The following RFWD3 variants were observed in gnomAD, a reference collection of about 807,000 sequenced individuals.
RFWD3 encodes E3 ubiquitin-protein ligase RFWD3.
A neutral mutation model predicts 87.7 loss-of-function variants in RFWD3; 65 were observed. The observed-to-expected ratio is 0.74, with a 90% confidence interval of 0.61 to 0.91. The LOEUF (loss-of-function observed/expected upper bound fraction) is 0.91, where lower values mean the gene tolerates loss of function less well. Ranked by LOEUF, RFWD3 falls within the 40% of genes least tolerant of loss-of-function variation. The pLI, the probability that RFWD3 is intolerant of heterozygous loss-of-function variation, is 0.00. For missense variants in RFWD3, 1,078 were observed against 938.5 expected (o/e 1.15, Z -1.94); for synonymous variants, 433 against 352.8 (o/e 1.23, Z -2.55).
intron 12 of RFWD3, among the ~76,000 whole-genome samples, chr16:74,624,692 T>C (rs147046806): frequency 0.018 from 2,682 of 152,312 alleles, 27 homozygotes; most frequent in Middle Eastern, 0.065. Context: ...CCACCGCGTC[T>C]GGCCTCTAAA....
chr16:74,637,933 C>T lies in RFWD3; in HGVS notation c.1117G>A (p.Glu373Lys), dbSNP rs141439715. Residue 373 changes from glutamate (E) to lysine (K), a missense_variant, in exon 7 of 13, where the codon GAG becomes AAG. Glu to Lys is a moderately conservative substitution (Grantham distance 56). Transcript: ENST00000361070. ...AGTCGGCACTGTGCTGATTCTAACT[C>T]GGCCTGTTTCCTTAGCATCTGTTCC... ...LKEQMLRKQA[E>K]LESAQCRLQL... The T allele has an allele frequency of 4.3e-6, 7 of 1,612,066 alleles. No individual in the cohort carries two copies. The highest frequency in any genetic ancestry group is 2.2e-5 in the East Asian group (1 of 44,868).
rs1311435736 is a variant in RFWD3 at position 74,623,091 on chromosome 16, G to C, written c.*837C>G. On this transcript the variant is annotated 3_prime_UTR_variant, in exon 13 of 13. Coordinates refer to ENST00000361070, the MANE Select transcript of RFWD3 (RefSeq NM_018124.4). Reference sequence around the variant, plus strand: ...TATCACTCATCTTTTCCTGGCAAGAGATAGTGTTCTTCAAAGCACTAGCTT... The same window carrying C: ...TATCACTCATCTTTTCCTGGCAAGACATAGTGTTCTTCAAAGCACTAGCTT... 1.3e-5 allele frequency: 2 copies of C among 152,244 alleles called. No homozygotes were observed. The highest frequency in any genetic ancestry group is 3.8e-4 in the East Asian group (2 of 5,206). 9.4% of individuals were successfully genotyped at this position (152,244 alleles called of 1,614,324 possible). A position where few individuals can be genotyped will look rare whatever the true frequency, so the allele number is the denominator to read the frequency against.
chr16:74,647,941 A>C (rs1960283432), intron 4 of RFWD3, among the ~76,000 whole-genome samples: 1 of 151,276 alleles, frequency 6.6e-6, no homozygotes, highest in Non-Finnish European at 1.5e-5. Context: ...ATTCTGCCTG[A>C]TTTTTTTTTA....
intron 1 of RFWD3, chr16:74,664,454 A>G (rs1193035211): frequency 1.3e-5 from 2 of 152,216 alleles, no homozygotes; most frequent in African/African-American, 2.4e-5. Flanking sequence ...TTTAAATTAA[A>G]TAAAAATCAA....
intron 6 of RFWD3, 130 bp from the exon 7 acceptor site, chr16:74,638,100 A>G (rs1364089081): frequency 2.8e-5 from 16 of 565,460 alleles, no homozygotes; most frequent in Non-Finnish European, 4.8e-5. Flanking sequence ...AGTGAATAAA[A>G]TATAAAAAGA....
chr16:74,656,139 AC>A (rs1409106161), intron 2 of RFWD3, among the ~76,000 whole-genome samples: 1 of 152,012 alleles, frequency 6.6e-6, no homozygotes, highest in Non-Finnish European at 1.5e-5. Flanking sequence ...TCTACAAAAA[AC>A]AGAAAAAATT....
rs1597402488 is a variant in RFWD3, at chr16:74,623,845, A to C, written c.*83T>G. 4.8e-6 allele frequency: 7 copies of C among 1,448,594 alleles called. No individual in the cohort carries two copies. The highest frequency in any genetic ancestry group is 2.8e-5 in the African/African-American group (2 of 71,730). The allele number at this position is 1,448,594 out of a possible 1,614,324, so 89.7% of individuals were successfully genotyped here. On this transcript the variant is annotated 3_prime_UTR_variant, in exon 13 of 13. Coordinates refer to ENST00000361070, the MANE Select transcript of RFWD3 (RefSeq NM_018124.4). ...CCCAATGTTCTAGACTGCAGACAAT[A>C]AACAGGGATCTTGCTTGGGGCTGCT...
At chr16:74,634,715 A>G (rs1334361058) in intron 8 of RFWD3, among the ~76,000 whole-genome samples, 3 of 152,000 alleles carry the variant, frequency 2.0e-5, no homozygotes, top group African/African-American at 7.3e-5. Context: ...AAATACGTCA[A>G]ATCCTAGATT....
intron 6 of RFWD3, 24 bp downstream of exon 6, chr16:74,644,338 G>A (rs1959928211): frequency 1.2e-6 from 2 of 1,609,016 alleles, no homozygotes; most frequent in South Asian, 2.2e-5. Flanking sequence ...GAACATTCCA[G>A]CCAGGCATAC....
rs759327850 is a variant in RFWD3, at chr16:74,628,674, G to T, written c.1755-8C>A. The T allele has an allele frequency of 2.5e-6, 4 of 1,613,524 alleles. No homozygotes were observed. In the African/African-American group the frequency reaches 4.0e-5, roughly 16 times the overall value. On this transcript the variant is annotated splice_region_variant and splice_polypyrimidine_tract_variant and intron_variant, in intron 10 of 12. Transcript: ENST00000361070. Reference sequence around the variant, plus strand: ...AGGGAGACCAGTGGGCATCTGAAAGGAAAGTAAGGAAACTGTATCTCACAC... The same window carrying T: ...AGGGAGACCAGTGGGCATCTGAAAGTAAAGTAAGGAAACTGTATCTCACAC...
In RFWD3 at chr16:74,658,834, C is replaced by A. The variant is rs369912157; in HGVS notation, c.518+2098G>T. 4.0e-5 allele frequency among the ~76,000 whole-genome samples: 6 copies of A among 149,646 alleles called. 1 individual carries two copies. In the East Asian group the frequency reaches 7.9e-4, roughly 20 times the overall value. On this transcript the variant is annotated intron_variant, in intron 2 of 12. Transcript: ENST00000361070. Reference sequence around the variant, plus strand: ...CCAGGCTGGATTACAGTGACAAGATCTTGGCTCACTGCAAGCTCCGCCTCC... The same window carrying A: ...CCAGGCTGGATTACAGTGACAAGATATTGGCTCACTGCAAGCTCCGCCTCC...
At chr16:74,651,150 G>T (rs1960531119) in intron 3 of RFWD3, among the ~76,000 whole-genome samples, 1 of 152,112 alleles carries the variant, frequency 6.6e-6, no homozygotes, top group Non-Finnish European at 1.5e-5. Flanking sequence ...AAAATATACT[G>T]AAAGAGCGCC....
intron 4 of RFWD3, 22 bp from the exon 5 acceptor site, chr16:74,644,757 T>A: frequency 1.9e-6 from 3 of 1,575,768 alleles, no homozygotes; most frequent in Non-Finnish European, 2.6e-6. Flanking sequence ...GCAGAATATA[T>A]TCAAATTAGA....
rs1016843620 is a variant in RFWD3 at position 74,623,767 on chromosome 16, T to C, written c.*161A>G. 3 of 650,468 alleles carry C rather than the reference T, an allele frequency of 4.6e-6. No individual in the cohort carries two copies. The African/African-American group carries it at 5.5e-5, about 12-fold the overall frequency. 40.3% of individuals were successfully genotyped at this position (650,468 alleles called of 1,614,324 possible). ...GACATAACAGATACACAATCTGTAG[T>C]GTCTCAGTGACCTAGGGTCCTAGAA... On this transcript the variant is annotated 3_prime_UTR_variant, in exon 13 of 13. Transcript: ENST00000361070.
chr16:74,663,580 ATCTT>A (rs1961631751), intron 1 of RFWD3, among the ~76,000 whole-genome samples: 1 of 152,214 alleles, frequency 6.6e-6, no homozygotes, highest in African/African-American at 2.4e-5. Context: ...ACATATATGT[ATCTT>A]TCTCTCTCCA....
chr16:74,660,317 G>C (rs1444913499), intron 2 of RFWD3, among the ~76,000 whole-genome samples: 1 of 152,126 alleles, frequency 6.6e-6, no homozygotes, highest in African/African-American at 2.4e-5. Flanking sequence ...GTTAGGTGTG[G>C]TGGCACGCGC....
At chr16:74,641,182 G>C (rs1273904484) in intron 6 of RFWD3, among the ~76,000 whole-genome samples, 1 of 148,902 alleles carries the variant, frequency 6.7e-6, no homozygotes, top group Non-Finnish European at 1.5e-5. Context: ...TTTTTTTGAA[G>C]ACAGAGTTTC....
intron 1 of RFWD3, among the ~76,000 whole-genome samples, chr16:74,663,765 A>G (rs1961654950): frequency 6.6e-6 from 1 of 152,236 alleles, no homozygotes; most frequent in Non-Finnish European, 1.5e-5. Flanking sequence ...AGCAGAGCCA[A>G]AAGATAAAAC....
At chr16:74,627,255 T>C (rs373499414) in intron 11 of RFWD3, among the ~76,000 whole-genome samples, 5 of 152,368 alleles carry the variant, frequency 3.3e-5, no homozygotes, top group South Asian at 2.1e-4. Flanking sequence ...CTGTTACAAA[T>C]GTGTTTAATA....
Sources: gnomAD v4.1 joint callset for allele counts (sites outside exome capture counted in the v4.1 genomes callset) on GRCh38, gnomAD v4.1.1 for gene constraint, MANE v1.5 for transcripts, NCBI Gene and HGNC (gene_info 2026-07-23, HGNC 2026-07-21) for gene names.